SCIN: variants seen among roughly 807,000 people sequenced by gnomAD.
The protein encoded by SCIN is adseverin.
In SCIN, 91 loss-of-function variants were observed where a neutral mutation model predicts 91.8. The observed-to-expected ratio is 0.99, with a 90% CI of 0.84 to 1.18. The LOEUF (loss-of-function observed/expected upper bound fraction) is 1.18, where lower values mean the gene tolerates loss of function less well. SCIN is among the 50% of genes most tolerant of loss of function. SCIN has a pLI of 0.00. For missense variants in SCIN, 1,087 were observed against 863.9 expected (o/e 1.26, Z -3.24); for synonymous variants, 367 against 312.6 (o/e 1.17, Z -1.84).
chr7:12,627,348 GT>G (rs1175701485), intron 8 of SCIN, among the ~76,000 whole-genome samples: 2 of 151,986 alleles, frequency 1.3e-5, no homozygotes, highest in Non-Finnish European at 2.9e-5. Context: ...TGGCAACTCA[GT>G]TAAATCACAA....
At chr7:12,619,743 C>T (rs1236354434) in intron 4 of SCIN, among the ~76,000 whole-genome samples, 1 of 152,036 alleles carries the variant, frequency 6.6e-6, no homozygotes, top group Non-Finnish European at 1.5e-5. Context: ...GGGTAGATGA[C>T]ATTCAGCATC....
chr7:12,625,454 G>A lies in SCIN; in HGVS notation c.893-308G>A, dbSNP rs554547568. ...TTCTTTTTTTTTTTTTTTTTTTTCC[G>A]TCGCCCAGGCTGGAGTGCAGCCCGC... On this transcript the variant is annotated intron_variant, in intron 6 of 15. Transcript: ENST00000297029. 2.0e-4 allele frequency among the ~76,000 whole-genome samples: 6 copies of A among 29,682 alleles called. No homozygotes were observed. In the South Asian group the frequency reaches 2.5e-3, roughly 12 times the overall value. The allele number at this position is 29,682 out of a possible 152,430, so 19.5% of individuals were successfully genotyped here.
intron 7 of SCIN, chr7:12,626,359 T>C (rs1180655450): frequency 9.8e-6 from 5 of 510,216 alleles, no homozygotes; most frequent in Non-Finnish European, 1.7e-5. Context: ...GACAAACTTA[T>C]TTTACTGCAG....
At chr7:12,585,938 A>G (rs112860519) in intron 3 of SCIN, among the ~76,000 whole-genome samples, 2 of 152,150 alleles carry the variant, frequency 1.3e-5, no homozygotes, top group East Asian at 1.9e-4. Flanking sequence ...TGTCTTCTTC[A>G]TAGTTTGTTT....
At chr7:12,590,671 G>A (rs1782702105) in intron 3 of SCIN, among the ~76,000 whole-genome samples, 1 of 151,900 alleles carries the variant, frequency 6.6e-6, no homozygotes, top group South Asian at 2.1e-4. Context: ...AAGAAAGGGA[G>A]GCTTCTTTTG....
rs117571770 is a variant in SCIN, at chr7:12,619,971, T to G, written c.667-2830T>G. Among the ~76,000 whole-genome samples, 865 of 152,150 alleles carry G rather than the reference T, an allele frequency of 5.7e-3. 3 individuals are homozygous for G. Among genetic ancestry groups the G allele is most frequent in the Non-Finnish European group, 9.8e-3 (668 of 67,996 alleles). On this transcript the variant is annotated intron_variant, in intron 4 of 15. Transcript: ENST00000297029. ...AGATGTAAAATATAAATCTTTTTTATTTTTTAGTTTTTTAAAATTTAAAAA... is the reference window on the plus strand; with the variant it reads ...AGATGTAAAATATAAATCTTTTTTAGTTTTTAGTTTTTTAAAATTTAAAAA...
At chr7:12,629,776 G>A (rs111947167) in intron 9 of SCIN, among the ~76,000 whole-genome samples, 49 of 152,078 alleles carry the variant, frequency 3.2e-4, no homozygotes, top group African/African-American at 1.1e-3. Context: ...GTCTAAATTT[G>A]CCAATGCCCT....
intron 4 of SCIN, among the ~76,000 whole-genome samples, chr7:12,604,877 T>C (rs849779): frequency 0.94 from 143,110 of 152,176 alleles, 67,363 homozygotes; most frequent in East Asian, 1. Context: ...GACTTTCTCT[T>C]ACCGTTGGTG....
chr7:12,600,538 A>G (rs1040392841), intron 3 of SCIN, among the ~76,000 whole-genome samples: 7 of 152,238 alleles, frequency 4.6e-5, no homozygotes, highest in Middle Eastern at 3.2e-3. Context: ...ACGTGTAGGA[A>G]AAAATATTCT....
At chr7:12,605,200 C>T (rs928093332) in intron 4 of SCIN, among the ~76,000 whole-genome samples, 3 of 152,120 alleles carry the variant, frequency 2.0e-5, no homozygotes, top group East Asian at 3.9e-4. Flanking sequence ...TACAGGCGCC[C>T]ACCACCATAC....
At chr7:12,584,848 A>G (rs539595150) in intron 3 of SCIN, among the ~76,000 whole-genome samples, 1 of 152,324 alleles carries the variant, frequency 6.6e-6, no homozygotes, top group African/African-American at 2.4e-5. Context: ...GTAACTGCAG[A>G]ATGTGAATGA....
At chr7:12,579,782 C>T (rs1489078395) in intron 2 of SCIN, among the ~76,000 whole-genome samples, 2 of 152,236 alleles carry the variant, frequency 1.3e-5, no homozygotes, top group Admixed American at 6.5e-5. Flanking sequence ...GGCGTGGTGA[C>T]ATGCGCCTGT....
At chr7:12,628,042 T>C (rs879366645) in intron 8 of SCIN, among the ~76,000 whole-genome samples, 2,492 of 150,128 alleles carry the variant, frequency 0.017, 23 homozygotes, top group Middle Eastern at 0.027. Flanking sequence ...CGTGTGTGTG[T>C]GTGTGTGTGT....
In SCIN at chr7:12,654,041, G is replaced by A. The variant is rs1165497377; in HGVS notation, c.*1326G>A. 3 of 152,010 alleles carry A rather than the reference G, an allele frequency of 2.0e-5. No homozygotes were observed. Among genetic ancestry groups the A allele is most frequent in the Admixed American group, 6.6e-5 (1 of 15,252 alleles). The allele number at this position is 152,010 out of a possible 1,614,324, so 9.4% of individuals were successfully genotyped here. ...AGGTCATTGAAAAAGAAGAAGCTAC[G>A]TTAGAACCCATGGAAAGAACTTTGC... On this transcript the variant is annotated 3_prime_UTR_variant, in exon 16 of 16. Coordinates refer to ENST00000297029, the MANE Select transcript of SCIN (RefSeq NM_001112706.3).
At chr7:12,588,905 G>A (rs960908104) in intron 3 of SCIN, 1 of 150,298 alleles carries the variant, frequency 6.7e-6, no homozygotes, top group African/African-American at 2.5e-5. Context: ...TAGAAGAGGG[G>A]CGCCGTTGTC....
In SCIN at chr7:12,651,718, C is replaced by G; in HGVS notation, c.1960-123C>G. 1 of 640,344 alleles carries G rather than the reference C, an allele frequency of 1.6e-6. No homozygotes were observed. 39.7% of individuals were successfully genotyped at this position (640,344 alleles called of 1,614,324 possible). A position where few individuals can be genotyped will look rare whatever the true frequency, so the allele number is the denominator to read the frequency against. ...CTCTCTGGGCCACCACCTCCACGTC[C>G]CTAACTTCTGCGGATATTGTGAAGA... On this transcript the variant is annotated intron_variant, in intron 14 of 15. Transcript: ENST00000297029. This position sits in a 1 kb window ranked among gnomAD's most constrained non-coding sequence, Gnocchi z 5.9.
chr7:12,636,187 C>T, intron 10 of SCIN, 52 bp downstream of exon 10: 1 of 1,285,648 alleles, frequency 7.8e-7, no homozygotes, highest in Non-Finnish European at 1.1e-6. Flanking sequence ...CTTGCTAGCT[C>T]AATGGATAGC....
At chr7:12,639,307 A>G (rs1033784215) in intron 10 of SCIN, among the ~76,000 whole-genome samples, 23 of 152,390 alleles carry the variant, frequency 1.5e-4, no homozygotes, top group African/African-American at 5.3e-4. Flanking sequence ...AAACGTTTCC[A>G]TAATTTGCTG....
intron 4 of SCIN, among the ~76,000 whole-genome samples, chr7:12,617,882 A>G (rs1783331461): frequency 6.6e-6 from 1 of 152,176 alleles, no homozygotes; most frequent in Admixed American, 6.6e-5. Flanking sequence ...CAGTGAAAAC[A>G]ACTGCTCTTG....
Sources: gnomAD v4.1 joint callset for allele counts (sites outside exome capture counted in the v4.1 genomes callset) on GRCh38, gnomAD v4.1.1 for gene constraint, Gnocchi (gnomAD v3.1) non-coding constraint, MANE v1.5 for transcripts, NCBI Gene and HGNC (gene_info 2026-07-23, HGNC 2026-07-21) for gene names.